The following KIF24 variants were observed in gnomAD, a reference collection of about 807,000 sequenced individuals.
The protein encoded by KIF24 is kinesin family member 24.
Under a neutral mutation model 118.9 loss-of-function variants are expected in KIF24, and 81 were observed. The ratio of observed to expected loss-of-function variants is 0.68; its 90% CI spans 0.57 to 0.82. KIF24 has a LOEUF of 0.82. Among genes scored for constraint, KIF24 ranks in the 40% least tolerant of loss-of-function variants. The pLI, the probability that KIF24 is intolerant of heterozygous loss-of-function variation, is 0.00. For synonymous variants in KIF24, 599 were observed against 610.0 expected, an observed-to-expected ratio of 0.98 and a Z score of 0.27; for missense variants, 1,560 against 1,661.6, an observed-to-expected ratio of 0.94 and a Z score of 1.06.
At chr9:34,265,220 G>A (rs1835242503) in intron 8 of KIF24, among the ~76,000 whole-genome samples, 1 of 152,170 alleles carries the variant, frequency 6.6e-6, no homozygotes, top group Non-Finnish European at 1.5e-5. Context: ...TCAGGCTGGA[G>A]TGCAGTAGCA....
chr9:34,306,569 G>C (rs557515709), intron 2 of KIF24, 128 bp from the exon 3 acceptor site: 67 of 596,782 alleles, frequency 1.1e-4, no homozygotes, highest in Admixed American at 5.9e-5. Flanking sequence ...TTGAGAGGCC[G>C]AGGTGGGCGG....
chr9:34,323,886 C>T (rs1837595368), intron 1 of KIF24, among the ~76,000 whole-genome samples: 2 of 152,150 alleles, frequency 1.3e-5, no homozygotes, highest in Admixed American at 6.5e-5. Flanking sequence ...TCCCTTTTTA[C>T]AAATAAAGAA....
chr9:34,311,690 G>GTA (rs1837160613), intron 1 of KIF24, among the ~76,000 whole-genome samples: 1 of 143,624 alleles, frequency 7.0e-6, no homozygotes, highest in African/African-American at 2.6e-5. Context: ...ATATATATAC[G>GTA]TATATATGTA....
At chr9:34,280,664 T>C (rs532499962) in intron 6 of KIF24, among the ~76,000 whole-genome samples, 1 of 152,198 alleles carries the variant, frequency 6.6e-6, no homozygotes, top group African/African-American at 2.4e-5. Context: ...ACCTTTGCAA[T>C]CACTAGAAAG....
chr9:34,269,422 TTTA>T, intron 7 of KIF24, 60 bp from the exon 8 acceptor site: 2 of 821,330 alleles, frequency 2.4e-6, no homozygotes, highest in South Asian at 4.1e-5. Context: ...TTATTTTATT[TTTA>T]TTATTATTTT....
intron 9 of KIF24, among the ~76,000 whole-genome samples, chr9:34,262,664 A>T (rs1163541369): frequency 0.011 from 557 of 52,404 alleles, 18 homozygotes; most frequent in Middle Eastern, 0.018. Context: ...AAAAAAAAAA[A>T]AAAAAAAAAA....
rs186393667 is a variant in KIF24 at position 34,279,585 on chromosome 9, G to A, written c.1215+7032C>T. 1.6e-3 allele frequency among the ~76,000 whole-genome samples: 248 copies of A among 152,364 alleles called. 5 individuals are homozygous for A. The highest frequency in any genetic ancestry group is 0.012 in the Admixed American group (189 of 15,306). Reference sequence around the variant, plus strand: ...GGCAAGAAATCAAATACACTGGGAAGGAGAAACTTCCTGGAGGAAGGACAA... The same window carrying A: ...GGCAAGAAATCAAATACACTGGGAAAGAGAAACTTCCTGGAGGAAGGACAA... On this transcript the variant is annotated intron_variant, in intron 6 of 12. Transcript: ENST00000402558.
At chr9:34,304,384 T>C (rs890252630) in intron 3 of KIF24, among the ~76,000 whole-genome samples, 1 of 152,194 alleles carries the variant, frequency 6.6e-6, no homozygotes, top group Admixed American at 6.5e-5. Context: ...TCAATAAGTA[T>C]TGACCAGTGG....
chr9:34,301,775 T>C (rs1836715301), intron 3 of KIF24, among the ~76,000 whole-genome samples: 1 of 151,972 alleles, frequency 6.6e-6, no homozygotes, highest in African/African-American at 2.4e-5. Context: ...AGGTTGAGGC[T>C]GCAGTGTGCC....
chr9:34,305,696 T>A (rs1169242263), intron 3 of KIF24, among the ~76,000 whole-genome samples: 1 of 152,188 alleles, frequency 6.6e-6, no homozygotes, highest in African/African-American at 2.4e-5. Flanking sequence ...GCAGAACTCC[T>A]GGGCTCAAGT....
intron 2 of KIF24, 101 bp downstream of exon 2, chr9:34,310,623 C>T: frequency 1.4e-6 from 1 of 738,484 alleles, no homozygotes; most frequent in Non-Finnish European, 2.2e-6. Flanking sequence ...TATTCATTTA[C>T]TATAAATAAG....
chr9:34,306,232 A>G lies in KIF24; in HGVS notation c.813+20T>C. ...ATACTTGATAATATTAGTTCCAAAC[A>G]TAAAACGAAAACATCATACCTGCAG... On this transcript the variant is annotated intron_variant, in intron 3 of 12. Transcript: ENST00000402558. 1 of 1,537,880 alleles carries G rather than the reference A, an allele frequency of 6.5e-7. No homozygotes were observed. The highest frequency in any genetic ancestry group is 8.8e-7 in the Non-Finnish European group (1 of 1,132,476).
At chr9:34,268,320 T>C (rs1835369675) in intron 8 of KIF24, among the ~76,000 whole-genome samples, 1 of 149,456 alleles carries the variant, frequency 6.7e-6, no homozygotes, top group South Asian at 2.1e-4. Context: ...CCTGCCACCA[T>C]GCCCAACTAA....
intron 1 of KIF24, among the ~76,000 whole-genome samples, chr9:34,325,724 T>C (rs921882290): frequency 6.6e-6 from 1 of 152,096 alleles, no homozygotes; most frequent in African/African-American, 2.4e-5. Flanking sequence ...AAAAGAGTGA[T>C]TGGAAATAAT....
chr9:34,279,395 C>T (rs1261207044), intron 6 of KIF24, among the ~76,000 whole-genome samples: 1 of 152,114 alleles, frequency 6.6e-6, no homozygotes, highest in Non-Finnish European at 1.5e-5. Context: ...GAATGAATAC[C>T]TCTGACTATA....
chr9:34,289,751 G>C (rs1836181775), intron 5 of KIF24, among the ~76,000 whole-genome samples: 1 of 152,124 alleles, frequency 6.6e-6, no homozygotes, highest in Non-Finnish European at 1.5e-5. Context: ...ATTGATTTCA[G>C]AAAACTATCA....
Position 34,271,794 on chromosome 9 carries a change from A to T in KIF24, c.1337+15T>A. ...GAAAGGCAGACAATGTAACTCCCTGATATTTCCAGCTCACCTGCCAAATGT... is the reference window on the plus strand; with the variant it reads ...GAAAGGCAGACAATGTAACTCCCTGTTATTTCCAGCTCACCTGCCAAATGT... On this transcript the variant is annotated intron_variant, in intron 7 of 12. Transcript: ENST00000402558. 6.2e-7 allele frequency: 1 copy of T among 1,612,308 alleles called. No homozygotes were observed. The highest frequency in any genetic ancestry group is 8.5e-7 in the Non-Finnish European group (1 of 1,179,310).
At chr9:34,261,209 C>T (rs1008499226) in intron 9 of KIF24, among the ~76,000 whole-genome samples, 1 of 152,136 alleles carries the variant, frequency 6.6e-6, no homozygotes, top group African/African-American at 2.4e-5. Context: ...CTGGCTTCAT[C>T]CTGCAGCATA....
At chr9:34,308,531 G>A (rs1488792951) in intron 2 of KIF24, among the ~76,000 whole-genome samples, 3 of 152,208 alleles carry the variant, frequency 2.0e-5, no homozygotes, top group Non-Finnish European at 2.9e-5. Context: ...TGATCCACCC[G>A]CCTTGGCCTC....
Sources: gnomAD v4.1 joint callset for allele counts (sites outside exome capture counted in the v4.1 genomes callset) on GRCh38, gnomAD v4.1.1 for gene constraint, MANE v1.5 for transcripts, NCBI Gene and HGNC (gene_info 2026-07-23, HGNC 2026-07-21) for gene names.